Variants in MAST4 observed in about 807,000 individuals in gnomAD.
MAST4 encodes the protein microtubule-associated serine/threonine-protein kinase 4.
Under a neutral mutation model 162.7 loss-of-function variants are expected in MAST4, and 89 were observed. That is an observed-to-expected ratio of 0.55 (90% CI 0.46 to 0.65). The LOEUF is 0.65. MAST4 is among the 30% of genes least tolerant of loss of function. MAST4 has a pLI of 0.00. For synonymous variants in MAST4, 1,479 were observed against 1,361.1 expected, an observed-to-expected ratio of 1.09 and a Z score of -1.91; for missense variants, 3,153 against 3,374.0, an observed-to-expected ratio of 0.93 and a Z score of 1.62.
chr5:66,896,795 A>T (rs1034596369), intron 3 of MAST4, among the ~76,000 whole-genome samples: 2 of 152,196 alleles, frequency 1.3e-5, no homozygotes, highest in African/African-American at 4.8e-5. Context: ...TGGCTGGGTG[A>T]AAGGAGCAGG....
intron 5 of MAST4, among the ~76,000 whole-genome samples, chr5:67,058,297 A>G (rs1759108946): frequency 6.6e-6 from 1 of 152,206 alleles, no homozygotes; most frequent in South Asian, 2.1e-4. Context: ...GATATGGGAA[A>G]GCGGTCCCTT....
chr5:66,711,104 T>C (rs907811839), intron 1 of MAST4, among the ~76,000 whole-genome samples: 1 of 152,256 alleles, frequency 6.6e-6, no homozygotes, highest in African/African-American at 2.4e-5. Flanking sequence ...GATGTCCCAT[T>C]GTGTCTTGCT....
intron 4 of MAST4, among the ~76,000 whole-genome samples, chr5:66,928,837 G>A (rs1030808454): frequency 1.3e-5 from 2 of 152,170 alleles, no homozygotes; most frequent in Admixed American, 6.5e-5. Context: ...TGTGCTAGAA[G>A]GCCATTGCCC....
chr5:66,867,742 C>T (rs1760635183), intron 3 of MAST4, among the ~76,000 whole-genome samples: 1 of 152,244 alleles, frequency 6.6e-6, no homozygotes, highest in South Asian at 2.1e-4. Flanking sequence ...ACCTCTTCCT[C>T]AGCCAGCTCC....
In MAST4 at chr5:66,751,051, G is replaced by T. The variant is rs142689967; in HGVS notation, c.364-8658G>T. On this transcript the variant is annotated intron_variant, in intron 1 of 28. Coordinates refer to ENST00000403625, the MANE Select transcript of MAST4 (RefSeq NM_001164664.2). ...GCAGGGGCACACTGACATCTCACAC[G>T]GCAGGGTATTCGAACAGACCTGCAG... Among the ~76,000 whole-genome samples, 504 of 151,080 alleles carry T rather than the reference G, an allele frequency of 3.3e-3. 4 individuals carry two copies. The highest frequency in any genetic ancestry group is 5.2e-3 in the East Asian group (27 of 5,150).
chr5:66,730,694 G>A (rs967594012), intron 1 of MAST4, among the ~76,000 whole-genome samples: 1 of 152,042 alleles, frequency 6.6e-6, no homozygotes, highest in Non-Finnish European at 1.5e-5. Flanking sequence ...TAAGGAAAAT[G>A]TAGATTTTTG....
Position 66,976,689 on chromosome 5 carries a change from T to C in MAST4, c.674+76707T>C, listed in dbSNP as rs1163456513. Reference sequence around the variant, plus strand: ...GGCTCTAGCATTCAGGAGGGAGATCTGGACAATTAACATCCCCACAGTGTT... The same window carrying C: ...GGCTCTAGCATTCAGGAGGGAGATCCGGACAATTAACATCCCCACAGTGTT... On this transcript the variant is annotated intron_variant, in intron 4 of 28. Transcript: ENST00000403625. Among the ~76,000 whole-genome samples, 3 of 152,330 alleles carry C rather than the reference T, an allele frequency of 2.0e-5. No homozygotes were observed. In the East Asian group the frequency reaches 5.8e-4, roughly 29 times the overall value.
At chr5:67,118,876 A>G in intron 13 of MAST4, 127 bp downstream of exon 13, 1 of 623,546 alleles carries the variant, frequency 1.6e-6, no homozygotes, top group Non-Finnish European at 2.9e-6. Context: ...GAATAAGAAT[A>G]TGGATAAGAT....
At chr5:67,161,311 T>C (rs1033315240) in intron 27 of MAST4, among the ~76,000 whole-genome samples, 1 of 151,776 alleles carries the variant, frequency 6.6e-6, no homozygotes, top group Admixed American at 6.6e-5. Flanking sequence ...CGAAAAGCCA[T>C]GTATTAACTC....
chr5:66,880,912 T>G (rs1420626344), intron 3 of MAST4, among the ~76,000 whole-genome samples: 2 of 152,244 alleles, frequency 1.3e-5, no homozygotes, highest in African/African-American at 4.8e-5. Context: ...GTACTTAGAC[T>G]GGAAGGTGAG....
intron 23 of MAST4, among the ~76,000 whole-genome samples, chr5:67,146,946 T>C (rs1771166685): frequency 6.6e-6 from 1 of 152,190 alleles, no homozygotes. Flanking sequence ...GTTACCTTAC[T>C]CTGAATAGAG....
intron 10 of MAST4, among the ~76,000 whole-genome samples, chr5:67,105,986 C>A (rs543839600): frequency 9.8e-5 from 15 of 152,288 alleles, no homozygotes; most frequent in African/African-American, 2.9e-4. Flanking sequence ...ATTGTCATAT[C>A]CACTGGACAT....
chr5:66,618,964 A>G (rs977188105), intron 1 of MAST4, among the ~76,000 whole-genome samples: 1 of 152,178 alleles, frequency 6.6e-6, no homozygotes, highest in African/African-American at 2.4e-5. Context: ...CAAAAGCTCC[A>G]TTTTATAAAT....
At chr5:66,890,719 G>T (rs908279121) in intron 3 of MAST4, among the ~76,000 whole-genome samples, 1 of 152,156 alleles carries the variant, frequency 6.6e-6, no homozygotes, top group Non-Finnish European at 1.5e-5. Flanking sequence ...TGGTGCAAAA[G>T]TATCAAGTCA....
intron 3 of MAST4, among the ~76,000 whole-genome samples, chr5:66,881,580 G>A (rs142658409): frequency 6.6e-6 from 1 of 152,194 alleles, no homozygotes; most frequent in African/African-American, 2.4e-5. Flanking sequence ...TTAAAAAATC[G>A]GTGAATTATA....
intron 5 of MAST4, among the ~76,000 whole-genome samples, chr5:67,069,919 T>TGTGTGTGTGC (rs70987153): frequency 4.0e-5 from 6 of 149,358 alleles, no homozygotes; most frequent in Non-Finnish European, 8.9e-5. Flanking sequence ...TGTGTGTGTG[T>TGTGTGTGTGC]TCCTCAGCAA....
At chr5:66,674,931 C>G (rs1481332547) in intron 1 of MAST4, among the ~76,000 whole-genome samples, 1 of 152,184 alleles carries the variant, frequency 6.6e-6, no homozygotes, top group East Asian at 1.9e-4. Flanking sequence ...GAGAGCCACT[C>G]TCAGAAAATG....
At chr5:66,940,805 C>G (rs962719891) in intron 4 of MAST4, among the ~76,000 whole-genome samples, 1 of 152,000 alleles carries the variant, frequency 6.6e-6, no homozygotes, top group African/African-American at 2.4e-5. Flanking sequence ...TGCCCAGATC[C>G]ATTAGAGGAA....
intron 4 of MAST4, among the ~76,000 whole-genome samples, chr5:66,904,761 C>CT (rs1333162431): frequency 6.6e-6 from 1 of 152,050 alleles, no homozygotes. Flanking sequence ...TTTTCCAACT[C>CT]TTTTGAAAAA....
Sources: allele counts gnomAD v4.1 joint callset (sites outside exome capture counted in the v4.1 genomes callset), GRCh38; gene constraint gnomAD v4.1.1; transcripts MANE v1.5; gene names NCBI Gene and HGNC (gene_info 2026-07-23, HGNC 2026-07-21).